The following CAPN14 variants were observed in gnomAD, a reference collection of about 807,000 sequenced individuals.
CAPN14 encodes calpain 14, also known as calpain-14.
A neutral mutation model predicts 101.3 loss-of-function variants in CAPN14; 94 were observed. That is an observed-to-expected ratio of 0.93 (90% CI 0.79 to 1.10). CAPN14 has a LOEUF of 1.10. Ranked by LOEUF, CAPN14 falls within the 50% of genes least tolerant of loss-of-function variation. The pLI is 0.00. For missense variants in CAPN14, 837 were observed against 828.4 expected, an observed-to-expected ratio of 1.01 and a Z score of -0.13; for synonymous variants, 338 against 317.9, an observed-to-expected ratio of 1.06 and a Z score of -0.67.
intron 16 of CAPN14, 130 bp from the exon 17 acceptor site, chr2:31,181,130 G>A: frequency 1.4e-6 from 1 of 691,508 alleles, no homozygotes. Flanking sequence ...TGGGAAGAGT[G>A]AGAATGGAAG....
At chr2:31,193,722 T>C (rs1291107069) in intron 9 of CAPN14, among the ~76,000 whole-genome samples, 1 of 152,242 alleles carries the variant, frequency 6.6e-6, no homozygotes, top group Non-Finnish European at 1.5e-5. Context: ...CCTGCGACAC[T>C]CTATTTAAGC....
chr2:31,203,552 G>A lies in CAPN14; in HGVS notation c.226-413C>T, dbSNP rs533165225. ...TGTTCTTTTTGGCTTTTCCTGATGCGATGCAGCCTGTGATGGGGTGGTAGG... is the reference window on the plus strand; with the variant it reads ...TGTTCTTTTTGGCTTTTCCTGATGCAATGCAGCCTGTGATGGGGTGGTAGG... On this transcript the variant is annotated intron_variant, in intron 2 of 21. Transcript: ENST00000403897. Among the ~76,000 whole-genome samples, 10 of 152,036 alleles carry A rather than the reference G, an allele frequency of 6.6e-5. No homozygotes were observed. The East Asian group carries it at 1.2e-3, about 18-fold the overall frequency.
At chr2:31,216,233 T>G (rs1293986114) in intron 1 of CAPN14, among the ~76,000 whole-genome samples, 1 of 152,196 alleles carries the variant, frequency 6.6e-6, no homozygotes, top group Non-Finnish European at 1.5e-5. Context: ...ATCTATATGT[T>G]AGAAATTAGC....
intron 1 of CAPN14, among the ~76,000 whole-genome samples, chr2:31,208,474 A>G (rs1355378436): frequency 6.6e-6 from 1 of 152,172 alleles, no homozygotes; most frequent in Non-Finnish European, 1.5e-5. Flanking sequence ...CAAATACTAC[A>G]TCTTGTGACA....
chr2:31,208,387 T>C (rs6727667), intron 1 of CAPN14, among the ~76,000 whole-genome samples: 7,456 of 152,238 alleles, frequency 0.049, 188 homozygotes, highest in African/African-American at 0.057. Context: ...AGAGGGTCCC[T>C]TGGCTTCAGA....
intron 11 of CAPN14, 109 bp from the exon 12 acceptor site, chr2:31,191,516 A>G: frequency 9.2e-7 from 1 of 1,083,144 alleles, no homozygotes; most frequent in Non-Finnish European, 1.3e-6. Context: ...AGAAGCTGAT[A>G]TACAAGGCTC....
intron 3 of CAPN14, 138 bp downstream of exon 3, chr2:31,202,932 G>A (rs1178904672): frequency 2.7e-5 from 18 of 661,528 alleles, no homozygotes; most frequent in South Asian, 2.7e-4. Context: ...TCCAGGTAGC[G>A]TTTTGCCAGT....
intron 1 of CAPN14, among the ~76,000 whole-genome samples, chr2:31,229,870 C>A (rs1288404075): frequency 2.0e-5 from 3 of 152,128 alleles, no homozygotes; most frequent in Non-Finnish European, 4.4e-5. Flanking sequence ...ACATATGCAT[C>A]CATGAACAAC....
chr2:31,233,136 A>C (rs1451618983), intron 1 of CAPN14, among the ~76,000 whole-genome samples: 1 of 152,182 alleles, frequency 6.6e-6, no homozygotes, highest in Non-Finnish European at 1.5e-5. Flanking sequence ...GTTCACTGAG[A>C]ACTTAGCCCA....
chr2:31,201,891 C>T lies in CAPN14; in HGVS notation c.522G>A (p.Trp174Ter). ...CATAGGCCTTTTCCAGAAGTGCTCC[C>T]CAGAACAAGTTCTTATAGGTGGAGG... The part of the protein sequence containing the change: ...FVSSTYKNLF[W>*]GALLEKAYAK... The change falls in exon 5 of 22, where the codon TGG becomes TGA. Residue 174 changes from tryptophan to a stop codon, truncating the protein, a stop_gained. Transcript: ENST00000403897. LOFTEE classifies it high-confidence loss of function. 1 of 1,551,728 alleles carries T rather than the reference C, an allele frequency of 6.4e-7. No individual in the cohort carries two copies. Among genetic ancestry groups the T allele is most frequent in the Admixed American group, 2.0e-5 (1 of 51,008 alleles).
chr2:31,194,160 G>A (rs1005802776), intron 9 of CAPN14, among the ~76,000 whole-genome samples: 4 of 152,246 alleles, frequency 2.6e-5, no homozygotes, highest in Admixed American at 6.5e-5. Context: ...GGAAGCCAGA[G>A]AGGAGGAAAC....
chr2:31,226,255 A>C (rs1181396474), intron 2 of CAPN14, among the ~76,000 whole-genome samples: 4 of 152,178 alleles, frequency 2.6e-5, no homozygotes, highest in Admixed American at 2.6e-4. Context: ...TAAATATCCC[A>C]CGCTCATAGG....
intron 8 of CAPN14, 79 bp from the exon 9 acceptor site, chr2:31,194,562 TTTA>T: frequency 1.1e-6 from 1 of 908,180 alleles, no homozygotes; most frequent in South Asian, 1.5e-5. Flanking sequence ...AGTGTCATTA[TTTA>T]TTATTATTTT....
intron 2 of CAPN14, among the ~76,000 whole-genome samples, chr2:31,204,655 T>A (rs954198823): frequency 2.0e-5 from 3 of 151,898 alleles, no homozygotes; most frequent in African/African-American, 7.3e-5. Flanking sequence ...CACACGGAGG[T>A]CCCTGGAGGG....
At chr2:31,193,405 C>G in intron 9 of CAPN14, 111 bp from the exon 10 acceptor site, 4 of 1,057,026 alleles carry the variant, frequency 3.8e-6, no homozygotes, top group Non-Finnish European at 5.4e-6. Context: ...CTCTCATGGA[C>G]AAAGACACCA....
chr2:31,212,121 C>T (rs1157455336), intron 1 of CAPN14, among the ~76,000 whole-genome samples: 5 of 152,018 alleles, frequency 3.3e-5, no homozygotes, highest in Non-Finnish European at 7.4e-5. Flanking sequence ...ACCAGCTTGG[C>T]CAACATGGCA....
At chr2:31,179,083 T>TATATATATATAC (rs1364050564) in intron 17 of CAPN14, among the ~76,000 whole-genome samples, 1 of 145,356 alleles carries the variant, frequency 6.9e-6, no homozygotes, top group African/African-American at 2.5e-5. Flanking sequence ...TATATATATA[T>TATATATATATAC]ATATATATAC....
intron 2 of CAPN14, among the ~76,000 whole-genome samples, chr2:31,204,766 C>T (rs1451155728): frequency 6.6e-6 from 1 of 152,142 alleles, no homozygotes; most frequent in East Asian, 1.9e-4. Context: ...TTGTCATACC[C>T]TTTAAAATAA....
chr2:31,220,775 G>A (rs1227996320), upstream of CAPN14, among the ~76,000 whole-genome samples: 1 of 152,170 alleles, frequency 6.6e-6, no homozygotes, highest in African/African-American at 2.4e-5. Flanking sequence ...GTTGCAGTGA[G>A]CCAAGATCAC....
Sources: allele counts gnomAD v4.1 joint callset (sites outside exome capture counted in the v4.1 genomes callset), GRCh38; gene constraint gnomAD v4.1.1; transcripts MANE v1.5; gene names NCBI Gene and HGNC (gene_info 2026-07-23, HGNC 2026-07-21).